MYO10: variants seen among roughly 807,000 people sequenced by gnomAD.
MYO10 encodes unconventional myosin-X.
In MYO10, 133 loss-of-function variants were observed where a neutral mutation model predicts 257.3. The observed-to-expected ratio is 0.52, with a 90% CI of 0.45 to 0.60. The LOEUF is 0.60. Among genes scored for constraint, MYO10 ranks in the 20% least tolerant of loss-of-function variants. The pLI is 0.00. For synonymous variants in MYO10, 1,104 were observed against 1,028.6 expected (o/e 1.07, Z -1.40); for missense variants, 2,399 against 2,635.7 (o/e 0.91, Z 1.97).
rs1043718734 is a variant in MYO10 at position 16,701,147 on chromosome 5, G to A, written c.3248C>T (p.Pro1083Leu). The A allele has an allele frequency of 1.9e-6, 3 of 1,602,108 alleles. No individual in the cohort carries two copies. The African/African-American group carries it at 4.0e-5, about 21-fold the overall frequency. ...YCMPQNAGDL[P>L]SPDGDYDYDQ... ...GTAGTCGTAGTCGCCGTCTGGGGAG[G>A]GCAAGTCCCCAGCGTTCTGGGGCAT... The change falls in exon 25 of 41, where the codon CCC becomes CTC. Residue 1083 changes from proline (P) to leucine (L), a missense_variant. Physicochemically the swap from Pro to Leu is moderately conservative, Grantham distance 98. This residue lies in a region of MYO10 where 1,820 missense variants were observed against 1,939.4 expected (regional missense o/e 0.94). Transcript: ENST00000513610. The surrounding 1 kb of genome is among the most constrained non-coding windows in gnomAD (Gnocchi z 8.1).
At chr5:16,685,617 AT>A in intron 29 of MYO10, 120 bp downstream of exon 29, 1 of 729,476 alleles carries the variant, frequency 1.4e-6, no homozygotes, top group Non-Finnish European at 2.3e-6. Flanking sequence ...ATTATTCTAT[AT>A]TTACCTTTTA....
chr5:16,684,412 TTG>T (rs1420773317), intron 29 of MYO10, among the ~76,000 whole-genome samples: 2 of 152,098 alleles, frequency 1.3e-5, no homozygotes, highest in East Asian at 1.9e-4. Context: ...CTGGATAATT[TTG>T]TGTTTTAGTA....
chr5:16,687,409 G>A (rs557409042), intron 28 of MYO10, among the ~76,000 whole-genome samples: 56 of 151,120 alleles, frequency 3.7e-4, no homozygotes, highest in African/African-American at 1.4e-3. Context: ...ACTATGAACA[G>A]ACATGCATCC....
intron 2 of MYO10, among the ~76,000 whole-genome samples, chr5:16,857,668 A>T (rs746638929): frequency 6.6e-6 from 1 of 152,226 alleles, no homozygotes; most frequent in Non-Finnish European, 1.5e-5. Context: ...TTTGAGAGCC[A>T]CTGCCCCACA....
At chr5:16,699,940 A>T (rs930320907) in intron 25 of MYO10, among the ~76,000 whole-genome samples, 5 of 152,216 alleles carry the variant, frequency 3.3e-5, no homozygotes, top group African/African-American at 1.2e-4. Context: ...GAAAGACAAG[A>T]TATACTTGAA....
rs151266743 is a variant in MYO10 at position 16,889,478 on chromosome 5, A to AGAAGGAAGGAAG, written c.22-11783_22-11772dup. Reference sequence around the variant, plus strand: ...AAGGAAGGGGAAGGGAAGAAAAGAAAGAAGGAAGGAAGGAAGGAAGGAAGG... The same window carrying AGAAGGAAGGAAG: ...AAGGAAGGGGAAGGGAAGAAAAGAAAGAAGGAAGGAAGGAAGGAAGGAAGGAAGGAAGGAAGG... On this transcript the variant is annotated intron_variant, in intron 1 of 40. Transcript: ENST00000513610. Among the ~76,000 whole-genome samples the AGAAGGAAGGAAG allele has an allele frequency of 9.0e-3, 1,186 of 131,938 alleles. 12 individuals carry two copies. Among genetic ancestry groups the AGAAGGAAGGAAG allele is most frequent in the African/African-American group, 0.015 (505 of 33,404 alleles). The allele number at this position is 131,938 out of a possible 152,430, so 86.6% of individuals were successfully genotyped here.
chr5:16,762,115 TAAAAAAAAAAAAAAAA>T lies in MYO10; in HGVS notation c.1588-18_1588-3del, dbSNP rs746751894. 5.3e-6 allele frequency: 3 copies of T among 567,582 alleles called. No individual in the cohort carries two copies. The highest frequency in any genetic ancestry group is 7.5e-6 in the Non-Finnish European group (3 of 400,750). The allele number at this position is 567,582 out of a possible 1,614,324, so 35.2% of individuals were successfully genotyped here. ...GGGCTTCACATAAAAGTGGTTATTC[TAAAAAAAAAAAAAAAA>T]AAAAAAAAAAAAATACAATGCCTTA... On this transcript the variant is annotated splice_polypyrimidine_tract_variant and splice_region_variant and intron_variant, in intron 15 of 40. Coordinates refer to ENST00000513610, the MANE Select transcript of MYO10 (RefSeq NM_012334.3).
At chr5:16,737,517 C>T (rs539761433) in intron 19 of MYO10, among the ~76,000 whole-genome samples, 2 of 152,256 alleles carry the variant, frequency 1.3e-5, no homozygotes, top group East Asian at 3.9e-4. Context: ...AAGTGTGAAA[C>T]GATACACCAT....
intron 2 of MYO10, among the ~76,000 whole-genome samples, chr5:16,865,435 C>T (rs1448788181): frequency 6.6e-6 from 1 of 152,162 alleles, no homozygotes; most frequent in East Asian, 1.9e-4. Flanking sequence ...TCTTTCTTGA[C>T]GTTGTCTATT....
At chr5:16,896,830 C>CT (rs1482967625) in intron 1 of MYO10, among the ~76,000 whole-genome samples, 1 of 152,146 alleles carries the variant, frequency 6.6e-6, no homozygotes. Context: ...TTACCAAAAA[C>CT]ACAAGGGTGC....
At chr5:16,686,018 C>A (rs1238248343) in intron 28 of MYO10, among the ~76,000 whole-genome samples, 187 bp from the exon 29 acceptor site, 1 of 152,158 alleles carries the variant, frequency 6.6e-6, no homozygotes, top group Non-Finnish European at 1.5e-5. Context: ...AGATAAAGTA[C>A]GTGTAAATGC....
At chr5:16,711,609 C>T (rs1248363275) in intron 19 of MYO10, among the ~76,000 whole-genome samples, 2 of 152,054 alleles carry the variant, frequency 1.3e-5, no homozygotes, top group East Asian at 1.9e-4. Context: ...TGGTGAAACC[C>T]CGTCTCTACT....
intron 3 of MYO10, among the ~76,000 whole-genome samples, chr5:16,803,612 A>T (rs951555546): frequency 1.3e-5 from 2 of 152,200 alleles, no homozygotes; most frequent in Non-Finnish European, 2.9e-5. Flanking sequence ...CGGTAAATTC[A>T]GCAAATGAAC....
Position 16,783,519 on chromosome 5 carries a change from A to T in MYO10, c.468-50T>A, listed in dbSNP as rs1486311426. On this transcript the variant is annotated intron_variant, in intron 4 of 40. Transcript: ENST00000513610. ...GTGCTTCTAACTATAATTTTTAAAA[A>T]AAAATCAGCTTTGGTCAATGGCACT... The T allele has an allele frequency of 3.2e-6, 5 of 1,561,880 alleles. No individual in the cohort carries two copies. In the South Asian group the frequency reaches 6.0e-5, roughly 19 times the overall value.
Position 16,703,087 on chromosome 5 carries a change from C to T in MYO10, c.2348G>A (p.Arg783Lys). 6.3e-7 allele frequency: 1 copy of T among 1,579,546 alleles called. No homozygotes were observed. The highest frequency in any genetic ancestry group is 8.6e-7 in the Non-Finnish European group (1 of 1,161,112). ...QKNYRAFLLR[R>K]RFLHLKKAAI... ...TGCCTTTTTCAGGTGCAAAAATCTCCTCCTCAGAAGGAATGCTCTGTAATT... is the reference window on the plus strand; with the variant it reads ...TGCCTTTTTCAGGTGCAAAAATCTCTTCCTCAGAAGGAATGCTCTGTAATT... Residue 783 changes from arginine to lysine, a missense_variant, in exon 23 of 41, where the codon AGG becomes AAG. Around this residue, in one of 3 missense-constraint regions of MYO10, gnomAD observed 1,820 missense variants for 1,939.4 expected, o/e 0.94. Transcript: ENST00000513610.
intron 2 of MYO10, among the ~76,000 whole-genome samples, chr5:16,851,380 T>C (rs1181185308): frequency 6.6e-6 from 1 of 152,210 alleles, no homozygotes; most frequent in African/African-American, 2.4e-5. Flanking sequence ...TGACTGATCC[T>C]GGAATTGCTT....
Position 16,675,008 on chromosome 5 carries a change from C to A in MYO10, c.4809G>T (p.Arg1603=), listed in dbSNP as rs1344176065. Residue 1603 remains arginine (R), a synonymous_variant, in exon 35 of 41, where the codon CGG becomes CGT. Transcript: ENST00000513610. ...LQTGHDLRPL[R]DELYCQLIKQ... ...TGATAAGCTGGCAGTACAGCTCGTC[C>A]CGCAGAGGTCGCAGGTCATGCCCTG... The A allele has an allele frequency of 6.2e-7, 1 of 1,613,864 alleles. No homozygotes were observed. Among genetic ancestry groups the A allele is most frequent in the Non-Finnish European group, 8.5e-7 (1 of 1,179,898 alleles).
intron 26 of MYO10, among the ~76,000 whole-genome samples, chr5:16,697,796 A>AAGG (rs61331241): frequency 0.4 from 60,621 of 151,574 alleles, 13,419 homozygotes; most frequent in African/African-American, 0.61. Flanking sequence ...AAGAAAAAGG[A>AAGG]AGAAGACAAA....
intron 2 of MYO10, among the ~76,000 whole-genome samples, chr5:16,821,438 ATTTTCTTTTTTTTTTTTTTTTT>A (rs1742808146): frequency 2.7e-5 from 2 of 73,240 alleles, no homozygotes; most frequent in Non-Finnish European, 5.0e-5. Flanking sequence ...CTTTCCTCCT[ATTTTCTTTTTTTTTTTTTTTTT>A]TTTTTTTTTT....
Sources: gnomAD v4.1 joint callset for allele counts (sites outside exome capture counted in the v4.1 genomes callset) on GRCh38, gnomAD v4.1.1 for gene constraint, gnomAD v4.1.1 regional missense constraint, Gnocchi (gnomAD v3.1) non-coding constraint, MANE v1.5 for transcripts, NCBI Gene and HGNC (gene_info 2026-07-23, HGNC 2026-07-21) for gene names.